PLPP4: variants seen among roughly 807,000 people sequenced by gnomAD.
PLPP4 encodes the protein diacylglycerol pyrophosphate like 2.
PLPP4 carries 20 observed loss-of-function variants against 32.2 expected under a neutral mutation model. That is an observed-to-expected ratio of 0.62 (90% CI 0.44 to 0.90). The LOEUF is 0.90. Among genes scored for constraint, PLPP4 ranks in the 40% least tolerant of loss-of-function variants. PLPP4 has a pLI of 0.00. For missense variants in PLPP4, 257 were observed against 353.1 expected, an observed-to-expected ratio of 0.73 and a Z score of 2.18; for synonymous variants, 127 against 133.0, an observed-to-expected ratio of 0.95 and a Z score of 0.31.
chr10:120,537,148 A>T (rs776425037), intron 5 of PLPP4, among the ~76,000 whole-genome samples: 9 of 152,208 alleles, frequency 5.9e-5, no homozygotes, highest in Non-Finnish European at 1.2e-4. Context: ...TAAAGAAATT[A>T]AAAATGTAAC....
chr10:120,514,555 G>T (rs1013877866), intron 3 of PLPP4, among the ~76,000 whole-genome samples: 2 of 152,144 alleles, frequency 1.3e-5, no homozygotes, highest in African/African-American at 2.4e-5. Flanking sequence ...TATGATCTTT[G>T]TCATTGATTA....
intron 5 of PLPP4, among the ~76,000 whole-genome samples, chr10:120,572,569 A>C (rs998449455): frequency 3.9e-5 from 6 of 152,218 alleles, no homozygotes; most frequent in Admixed American, 3.9e-4. Flanking sequence ...GGAGACTTTC[A>C]TCCAAAACCA....
chr10:120,503,413 C>T lies in PLPP4; in HGVS notation c.57-405C>T, dbSNP rs542655639. On this transcript the variant is annotated intron_variant, in intron 1 of 6. Transcript: ENST00000398250. ...TTGACCAACCGATGAAGACAGCACA[C>T]GGGCAGCTGTGCCAGTTACTCCCTC... 2.0e-5 allele frequency among the ~76,000 whole-genome samples: 3 copies of T among 152,308 alleles called. No homozygotes were observed. The South Asian group carries it at 6.2e-4, about 32-fold the overall frequency.
intron 5 of PLPP4, among the ~76,000 whole-genome samples, chr10:120,564,553 AGC>A: frequency 1.3e-5 from 2 of 151,954 alleles, no homozygotes; most frequent in African/African-American, 4.8e-5. Flanking sequence ...ATTTGTCAAT[AGC>A]AAAGATGTGA....
chr10:120,552,783 G>T (rs1003472316), intron 5 of PLPP4, among the ~76,000 whole-genome samples: 4 of 152,190 alleles, frequency 2.6e-5, no homozygotes, highest in Admixed American at 2.6e-4. Flanking sequence ...GCAAGCTATA[G>T]ACTTGTATCA....
At chr10:120,548,637 C>A (rs1011088771) in intron 5 of PLPP4, among the ~76,000 whole-genome samples, 1 of 152,114 alleles carries the variant, frequency 6.6e-6, no homozygotes, top group African/African-American at 2.4e-5. Context: ...GTTTTAAGTT[C>A]TTTGAGAAAT....
At chr10:120,539,322 CTT>C (rs767471192) in intron 5 of PLPP4, among the ~76,000 whole-genome samples, 10 of 152,182 alleles carry the variant, frequency 6.6e-5, no homozygotes, top group Non-Finnish European at 1.2e-4. Context: ...TCTGTGGTCT[CTT>C]TCAGCCTCGG....
intron 6 of PLPP4, among the ~76,000 whole-genome samples, chr10:120,576,796 G>T (rs1241767354): frequency 6.6e-6 from 1 of 152,214 alleles, no homozygotes; most frequent in African/African-American, 2.4e-5. Flanking sequence ...ATGATAAGAA[G>T]CCGCATCATG....
At chr10:120,564,171 T>G (rs987818874) in intron 5 of PLPP4, among the ~76,000 whole-genome samples, 9 of 152,140 alleles carry the variant, frequency 5.9e-5, no homozygotes, top group Admixed American at 1.3e-4. Flanking sequence ...TACATATTAT[T>G]TTCATTAATT....
intron 6 of PLPP4, among the ~76,000 whole-genome samples, chr10:120,582,268 G>A (rs1273485831): frequency 6.6e-6 from 1 of 152,200 alleles, no homozygotes; most frequent in Non-Finnish European, 1.5e-5. Flanking sequence ...AGTAAGGGGA[G>A]GATCCTTCTC....
chr10:120,473,456 G>C (rs1265365669), intron 1 of PLPP4, among the ~76,000 whole-genome samples: 1 of 152,096 alleles, frequency 6.6e-6, no homozygotes, highest in Non-Finnish European at 1.5e-5. Context: ...TGAAATCTCT[G>C]CTTGGCTCTT....
intron 5 of PLPP4, among the ~76,000 whole-genome samples, chr10:120,538,052 C>CTCTCTCTGTGTGTGTG (rs1847142984): frequency 2.6e-4 from 5 of 18,992 alleles, no homozygotes; most frequent in South Asian, 2.0e-3. Context: ...CTCTCTCTCT[C>CTCTCTCTGTGTGTGTG]TGTGTGTGTG....
chr10:120,581,021 T>A (rs1849482821), intron 6 of PLPP4: 1 of 1,289,172 alleles, frequency 7.8e-7, no homozygotes, highest in East Asian at 5.6e-5. Flanking sequence ...TGTTGGTGCC[T>A]AGGAGAGCGT....
intron 1 of PLPP4, among the ~76,000 whole-genome samples, chr10:120,472,336 T>A (rs1848552823): frequency 6.6e-6 from 1 of 152,130 alleles, no homozygotes; most frequent in South Asian, 2.1e-4. Flanking sequence ...GCCTTTATTT[T>A]TGAAAGATTT....
intron 1 of PLPP4, among the ~76,000 whole-genome samples, chr10:120,487,753 C>T (rs915698488): frequency 9.2e-5 from 14 of 152,142 alleles, no homozygotes; most frequent in Admixed American, 8.5e-4. Flanking sequence ...TAAAGTCATC[C>T]AGTCCAGTTC....
intron 1 of PLPP4, among the ~76,000 whole-genome samples, chr10:120,485,020 G>A (rs1486103447): frequency 6.6e-6 from 1 of 152,210 alleles, no homozygotes; most frequent in Non-Finnish European, 1.5e-5. Context: ...AGGAATGAGG[G>A]CAGCCTCTAG....
chr10:120,464,448 G>A (rs1564774000), intron 1 of PLPP4, among the ~76,000 whole-genome samples: 1 of 152,130 alleles, frequency 6.6e-6, no homozygotes, highest in Non-Finnish European at 1.5e-5. Context: ...ATTTACCACA[G>A]GATTTCTAGA....
At chr10:120,459,331 C>G (rs532223709) in intron 1 of PLPP4, among the ~76,000 whole-genome samples, 6 of 152,128 alleles carry the variant, frequency 3.9e-5, no homozygotes, top group Non-Finnish European at 7.4e-5. Context: ...GCTCTTTTAC[C>G]TGCAAAAACC....
chr10:120,524,609 C>G (rs1332605954), intron 5 of PLPP4, among the ~76,000 whole-genome samples: 1 of 152,176 alleles, frequency 6.6e-6, no homozygotes, highest in African/African-American at 2.4e-5. Context: ...CTTAATCTAC[C>G]ATAAGCAGCC....
Sources: allele counts gnomAD v4.1 joint callset (sites outside exome capture counted in the v4.1 genomes callset), GRCh38; gene constraint gnomAD v4.1.1; transcripts MANE v1.5; gene names NCBI Gene and HGNC (gene_info 2026-07-23, HGNC 2026-07-21).